The following CPNE8 variants were observed in gnomAD, a reference collection of about 807,000 sequenced individuals.
The protein encoded by CPNE8 is copine 8, also known as copine-8.
Under a neutral mutation model 81.5 loss-of-function variants are expected in CPNE8, and 45 were observed. The ratio of observed to expected loss-of-function variants is 0.55; its 90% CI spans 0.44 to 0.71. The LOEUF (loss-of-function observed/expected upper bound fraction) is 0.71, where lower values mean the gene tolerates loss of function less well. CPNE8 is among the 30% of genes least tolerant of loss of function. The pLI, the probability that CPNE8 is intolerant of heterozygous loss-of-function variation, is 0.00. For synonymous variants in CPNE8, 252 were observed against 226.3 expected (o/e 1.11, Z -1.02); for missense variants, 594 against 672.1 (o/e 0.88, Z 1.28).
chr12:38,887,033 A>T (rs1944246857), intron 1 of CPNE8, among the ~76,000 whole-genome samples: 1 of 152,198 alleles, frequency 6.6e-6, no homozygotes. Flanking sequence ...AGAACCACAA[A>T]GATCTGGTAA....
chr12:38,708,621 A>C (rs1206362915), intron 13 of CPNE8, among the ~76,000 whole-genome samples: 1 of 152,180 alleles, frequency 6.6e-6, no homozygotes, highest in Non-Finnish European at 1.5e-5. Flanking sequence ...CTCCCAATAC[A>C]TATGTCCTAG....
chr12:38,717,575 T>C (rs1169264174), intron 13 of CPNE8, among the ~76,000 whole-genome samples: 1 of 151,074 alleles, frequency 6.6e-6, no homozygotes, highest in Admixed American at 6.6e-5. Context: ...CGAAACCAAA[T>C]ATCTTGTTCT....
intron 7 of CPNE8, among the ~76,000 whole-genome samples, chr12:38,772,951 A>T (rs1487668032): frequency 6.6e-6 from 1 of 152,110 alleles, no homozygotes; most frequent in African/African-American, 2.4e-5. Context: ...ACACATATAT[A>T]TGTAAAACAA....
At chr12:38,850,865 C>A (rs1333588347) in intron 3 of CPNE8, among the ~76,000 whole-genome samples, 1 of 152,178 alleles carries the variant, frequency 6.6e-6, no homozygotes, top group Non-Finnish European at 1.5e-5. Context: ...TTCATCTGTT[C>A]CTGCTATAGT....
At chr12:38,680,893 T>A (rs1330331424) in intron 16 of CPNE8, among the ~76,000 whole-genome samples, 1 of 151,960 alleles carries the variant, frequency 6.6e-6, no homozygotes, top group Non-Finnish European at 1.5e-5. Context: ...ATCTGGATTT[T>A]AGAAGGTTCT....
At chr12:38,752,079 T>C (rs1367887857) in intron 10 of CPNE8, among the ~76,000 whole-genome samples, 1 of 152,232 alleles carries the variant, frequency 6.6e-6, no homozygotes, top group Non-Finnish European at 1.5e-5. Context: ...TAAACATCTG[T>C]GTTTATTCCA....
At chr12:38,873,495 A>G (rs1516553) in intron 2 of CPNE8, among the ~76,000 whole-genome samples, 143,675 of 152,270 alleles carry the variant, frequency 0.94, 67,849 homozygotes, top group African/African-American at 0.99. Flanking sequence ...CTTAATATTT[A>G]TAAATAGGTA....
intron 6 of CPNE8, among the ~76,000 whole-genome samples, chr12:38,795,540 G>C (rs1010385205): frequency 8.5e-5 from 13 of 152,120 alleles, no homozygotes; most frequent in African/African-American, 3.1e-4. Flanking sequence ...ATGTTACGCA[G>C]TCTTTAAAAA....
intron 4 of CPNE8, among the ~76,000 whole-genome samples, chr12:38,847,073 C>T (rs1943569843): frequency 6.6e-6 from 1 of 151,890 alleles, no homozygotes; most frequent in Non-Finnish European, 1.5e-5. Flanking sequence ...CCAGCATATA[C>T]ATTGAGTCAT....
chr12:38,716,015 C>T (rs951401420), intron 13 of CPNE8, among the ~76,000 whole-genome samples: 9 of 151,968 alleles, frequency 5.9e-5, no homozygotes, highest in African/African-American at 1.4e-4. Flanking sequence ...AGCTGAGAAT[C>T]ATATCAAGAA....
chr12:38,832,952 A>T (rs1279712507), intron 5 of CPNE8, among the ~76,000 whole-genome samples: 2 of 152,120 alleles, frequency 1.3e-5, no homozygotes, highest in African/African-American at 4.8e-5. Context: ...CCTCCGAGAG[A>T]TAATACAAAG....
At chr12:38,787,495 A>G (rs572577348) in intron 6 of CPNE8, among the ~76,000 whole-genome samples, 15 of 151,634 alleles carry the variant, frequency 9.9e-5, no homozygotes, top group African/African-American at 2.9e-4. Context: ...TTAAAAAAAA[A>G]AAAAAGAAAA....
At chr12:38,730,671 GATTA>G (rs975619168) in intron 10 of CPNE8, among the ~76,000 whole-genome samples, 24 of 151,426 alleles carry the variant, frequency 1.6e-4, no homozygotes, top group African/African-American at 4.1e-4. Flanking sequence ...TTATTCAAAT[GATTA>G]ATTAACTAGG....
chr12:38,780,766 A>G (rs1053160897), intron 6 of CPNE8, among the ~76,000 whole-genome samples: 8 of 152,114 alleles, frequency 5.3e-5, no homozygotes, highest in Non-Finnish European at 2.9e-5. Flanking sequence ...ATCTATTCTA[A>G]AAACAAGCAT....
intron 10 of CPNE8, among the ~76,000 whole-genome samples, chr12:38,732,822 T>A (rs1056897620): frequency 6.6e-6 from 1 of 151,962 alleles, no homozygotes; most frequent in Non-Finnish European, 1.5e-5. Context: ...CATACATAAA[T>A]GAAACAATGA....
At chr12:38,869,485 T>C (rs187630397) in intron 3 of CPNE8, among the ~76,000 whole-genome samples, 39 of 152,306 alleles carry the variant, frequency 2.6e-4, no homozygotes, top group Admixed American at 2.6e-3. Flanking sequence ...AACCACAACA[T>C]TATGCTGGCT....
At position 38,693,639 on chromosome 12, in the gene CPNE8, C is replaced by T. The variant is rs1939727368; in HGVS notation, c.1143+18G>A. The T allele has an allele frequency of 6.3e-7, 1 of 1,594,238 alleles. No individual in the cohort carries two copies. The highest frequency in any genetic ancestry group is 8.5e-7 in the Non-Finnish European group (1 of 1,170,368). On this transcript the variant is annotated intron_variant, in intron 15 of 19. Coordinates refer to ENST00000331366, the MANE Select transcript of CPNE8 (RefSeq NM_153634.3). ...CATTAATTTTTCAAAACATCAAATC[C>T]TTTTGACAAATTCTTACCAAAGCAA...
At chr12:38,715,255 T>A (rs11169235) in intron 13 of CPNE8, among the ~76,000 whole-genome samples, 1 of 152,070 alleles carries the variant, frequency 6.6e-6, no homozygotes, top group South Asian at 2.1e-4. Context: ...CTAAGAGAAA[T>A]GTTTTACCAA....
Position 38,905,535 on chromosome 12 carries a change from A to T in CPNE8, c.-1T>A. On this transcript the variant is annotated 5_prime_UTR_variant, in exon 1 of 20. Transcript: ENST00000331366. ...CAGTGCTGTTGTAGCGGCTGTCCATATTGGGAGGAGGCGCCTTGGACTTGT... is the reference window on the plus strand; with the variant it reads ...CAGTGCTGTTGTAGCGGCTGTCCATTTTGGGAGGAGGCGCCTTGGACTTGT... The T allele has an allele frequency of 6.4e-7, 1 of 1,560,588 alleles. No homozygotes were observed. Among genetic ancestry groups the T allele is most frequent in the Non-Finnish European group, 8.7e-7 (1 of 1,152,766 alleles).
Sources: allele counts gnomAD v4.1 joint callset (sites outside exome capture counted in the v4.1 genomes callset), GRCh38; gene constraint gnomAD v4.1.1; transcripts MANE v1.5; gene names NCBI Gene and HGNC (gene_info 2026-07-23, HGNC 2026-07-21).